The following LRRC3B variants were observed in gnomAD, a reference collection of about 807,000 sequenced individuals.
LRRC3B encodes the protein leucine-rich repeat-containing protein 3B.
In LRRC3B, 2 loss-of-function variants were observed where a neutral mutation model predicts 12.8. The ratio of observed to expected loss-of-function variants is 0.16; its 90% CI spans 0.06 to 0.49. LRRC3B has a LOEUF of 0.49. Ranked by LOEUF, LRRC3B falls within the 20% of genes least tolerant of loss-of-function variation. LRRC3B has a pLI of 0.96. For missense variants in LRRC3B, 189 were observed against 319.4 expected (o/e 0.59, Z 3.11); for synonymous variants, 132 against 122.0 (o/e 1.08, Z -0.54).
chr3:26,630,259 C>T (rs1411195757), intron 1 of LRRC3B, among the ~76,000 whole-genome samples: 1 of 152,152 alleles, frequency 6.6e-6, no homozygotes, highest in Non-Finnish European at 1.5e-5. Context: ...ATCAGAGTGC[C>T]ACATTAATGT....
chr3:26,703,048 G>C (rs1700496599), intron 1 of LRRC3B, among the ~76,000 whole-genome samples: 1 of 152,078 alleles, frequency 6.6e-6, no homozygotes, highest in African/African-American at 2.4e-5. Context: ...GAATGAAGAA[G>C]TTATTATCTC....
At chr3:26,690,837 G>T (rs1575166043) in intron 1 of LRRC3B, among the ~76,000 whole-genome samples, 1 of 151,842 alleles carries the variant, frequency 6.6e-6, no homozygotes, top group Admixed American at 6.6e-5. Context: ...GCCTAGTTAT[G>T]TATTGGCATA....
At chr3:26,687,729 G>C (rs1477594654) in intron 1 of LRRC3B, among the ~76,000 whole-genome samples, 3 of 152,192 alleles carry the variant, frequency 2.0e-5, no homozygotes, top group African/African-American at 7.2e-5. Context: ...CGATTCATTT[G>C]AATTTCAACT....
At chr3:26,625,888 A>T (rs1304914301) in intron 1 of LRRC3B, among the ~76,000 whole-genome samples, 1 of 152,238 alleles carries the variant, frequency 6.6e-6, no homozygotes, top group Non-Finnish European at 1.5e-5. Context: ...TTATAGATGG[A>T]GAAACCCAGT....
At chr3:26,626,120 C>T (rs1368968843) in intron 1 of LRRC3B, among the ~76,000 whole-genome samples, 1 of 152,188 alleles carries the variant, frequency 6.6e-6, no homozygotes, top group Non-Finnish European at 1.5e-5. Flanking sequence ...GCCCCTGTGA[C>T]TAGAGTATTA....
chr3:26,641,013 G>A (rs1267517669), intron 1 of LRRC3B, among the ~76,000 whole-genome samples: 1 of 152,182 alleles, frequency 6.6e-6, no homozygotes, highest in Non-Finnish European at 1.5e-5. Flanking sequence ...ACAGTTGTGG[G>A]AGATGTTTGG....
At chr3:26,700,313 A>G (rs1352003966) in intron 1 of LRRC3B, among the ~76,000 whole-genome samples, 1 of 152,060 alleles carries the variant, frequency 6.6e-6, no homozygotes, top group Non-Finnish European at 1.5e-5. Context: ...GGCATTTGAA[A>G]CTCAGCATTT....
chr3:26,629,214 C>T (rs1392848597), intron 1 of LRRC3B, among the ~76,000 whole-genome samples: 1 of 132,918 alleles, frequency 7.5e-6, no homozygotes, highest in Non-Finnish European at 1.6e-5. Context: ...TTCCTTCCTT[C>T]CCTCCCTCAC....
intron 1 of LRRC3B, among the ~76,000 whole-genome samples, chr3:26,670,439 G>A (rs1699696164): frequency 6.6e-6 from 1 of 152,100 alleles, no homozygotes; most frequent in African/African-American, 2.4e-5. Context: ...TTCATTTCTT[G>A]TTCATTCTAC....
At chr3:26,631,612 A>G (rs1698759112) in intron 1 of LRRC3B, among the ~76,000 whole-genome samples, 1 of 150,818 alleles carries the variant, frequency 6.6e-6, no homozygotes, top group African/African-American at 2.5e-5. Flanking sequence ...GGAAATTAGC[A>G]TGTTTTTGTT....
At chr3:26,625,884 A>G (rs1698613817) in intron 1 of LRRC3B, among the ~76,000 whole-genome samples, 1 of 152,232 alleles carries the variant, frequency 6.6e-6, no homozygotes, top group South Asian at 2.1e-4. Context: ...CATGTTATAG[A>G]TGGAGAAACC....
At chr3:26,662,945 G>A (rs1158474189) in intron 1 of LRRC3B, among the ~76,000 whole-genome samples, 1 of 152,122 alleles carries the variant, frequency 6.6e-6, no homozygotes, top group Non-Finnish European at 1.5e-5. Context: ...ATGAGGGTTT[G>A]CAGCTGTGTT....
chr3:26,624,884 C>G (rs1575105545), intron 1 of LRRC3B: 2 of 152,308 alleles, frequency 1.3e-5, no homozygotes. Flanking sequence ...GGGGCTTAGT[C>G]GGCTGTTTCG....
chr3:26,671,346 G>A (rs9757875), intron 1 of LRRC3B, among the ~76,000 whole-genome samples: 2 of 56,336 alleles, frequency 3.6e-5, no homozygotes, highest in Non-Finnish European at 5.7e-5. Context: ...GTGTATATAT[G>A]TGTGTATATA....
intron 1 of LRRC3B, among the ~76,000 whole-genome samples, chr3:26,690,663 G>A (rs1700170821): frequency 6.6e-6 from 1 of 152,080 alleles, no homozygotes; most frequent in South Asian, 2.1e-4. Context: ...GGTAATCTCA[G>A]TTCTGATTTT....
chr3:26,685,486 CCTCTCTCTCTCTCT>C (rs61229084), intron 1 of LRRC3B, among the ~76,000 whole-genome samples: 45 of 49,564 alleles, frequency 9.1e-4, no homozygotes, highest in Non-Finnish European at 1.4e-3. Context: ...AGACTCTCTC[CCTCTCTCTCTCTCT>C]CTCTCTCTCT....
intron 1 of LRRC3B, among the ~76,000 whole-genome samples, chr3:26,682,431 T>C (rs1699990731): frequency 6.6e-6 from 1 of 152,206 alleles, no homozygotes; most frequent in Non-Finnish European, 1.5e-5. Context: ...TTCATGCGTA[T>C]ATACATTGTC....
intron 1 of LRRC3B, among the ~76,000 whole-genome samples, chr3:26,656,634 A>G (rs566648015): frequency 9.2e-5 from 14 of 152,346 alleles, no homozygotes; most frequent in African/African-American, 3.1e-4. Flanking sequence ...CCAGGTATCC[A>G]AGAAGAAATG....
At chr3:26,637,852 T>C (rs1698936936) in intron 1 of LRRC3B, among the ~76,000 whole-genome samples, 1 of 152,240 alleles carries the variant, frequency 6.6e-6, no homozygotes, top group Non-Finnish European at 1.5e-5. Flanking sequence ...TCATCAATAA[T>C]AATCTTAAAA....
Sources: allele counts gnomAD v4.1 joint callset (sites outside exome capture counted in the v4.1 genomes callset), GRCh38; gene constraint gnomAD v4.1.1; transcripts MANE v1.5; gene names NCBI Gene and HGNC (gene_info 2026-07-23, HGNC 2026-07-21).